P2RY8: variants seen among roughly 807,000 people sequenced by gnomAD.
P2RY8 encodes the protein S-geranylgeranyl-glutathione receptor P2RY8.
In P2RY8, 6 loss-of-function variants were observed where a neutral mutation model predicts 10.0. The ratio of observed to expected loss-of-function variants is 0.60; its 90% CI spans 0.33 to 1.19. The LOEUF (loss-of-function observed/expected upper bound fraction) is 1.19. P2RY8 is among the 50% of genes most tolerant of loss of function. The pLI, the probability that P2RY8 is intolerant of heterozygous loss-of-function variation, is 0.04. For missense variants in P2RY8, 456 were observed against 542.0 expected (o/e 0.84, Z 1.58); for synonymous variants, 276 against 252.5 (o/e 1.09, Z -0.88).
In P2RY8 at chrX:1,488,733, G is replaced by GGTGTGT. The variant is rs771296428; in HGVS notation, c.-24-22157_-24-22152dup. Among the ~76,000 whole-genome samples the GGTGTGT allele has an allele frequency of 9.7e-3, 1,436 of 147,616 alleles. 9 individuals carry two copies. The highest frequency in any genetic ancestry group is 0.029 in the South Asian group (132 of 4,602). The stretch of plus-strand genomic sequence containing the variant: ...CCCAGGATGGTCTTGGTAAATGCAG[G>GGTGTGT]GTGTGTGTGTGTGTGTGTGTGTGTG... On this transcript the variant is annotated intron_variant, in intron 1 of 1. Coordinates refer to ENST00000381297, the MANE Select transcript of P2RY8 (RefSeq NM_178129.5).
In P2RY8 at chrX:1,514,217, G is replaced by T. The variant is rs762994324; in HGVS notation, c.-25+22704C>A. Reference sequence around the variant, plus strand: ...CACCTGCACAGGTAAGTACAATTCTGTTTAATCTTGATGTCTGCTCAGGCT... The same window carrying T: ...CACCTGCACAGGTAAGTACAATTCTTTTTAATCTTGATGTCTGCTCAGGCT... On this transcript the variant is annotated intron_variant, in intron 1 of 1. Coordinates refer to ENST00000381297, the MANE Select transcript of P2RY8 (RefSeq NM_178129.5). Among the ~76,000 whole-genome samples the T allele has an allele frequency of 1.6e-3, 246 of 152,276 alleles. 1 individual carries two copies. Among genetic ancestry groups the T allele is most frequent in the African/African-American group, 5.7e-3 (238 of 41,544 alleles).
At chrX:1,504,422 C>A (rs1459224038) in intron 1 of P2RY8, among the ~76,000 whole-genome samples, 2 of 152,146 alleles carry the variant, frequency 1.3e-5, no homozygotes, top group African/African-American at 4.8e-5. Flanking sequence ...ATTTGAAAGC[C>A]TTTTAGTGGT....
At chrX:1,520,426 ATCTCTCTGGTCCCCAATAT>A (rs1331552641) in intron 1 of P2RY8, among the ~76,000 whole-genome samples, 5 of 145,982 alleles carry the variant, frequency 3.4e-5, no homozygotes, top group South Asian at 2.2e-4. Flanking sequence ...GTCTCTAATA[ATCTCTCTGGTCCCCAATAT>A]TCTCTCTGGT....
intron 1 of P2RY8, among the ~76,000 whole-genome samples, chrX:1,467,414 A>C (rs2091702002): frequency 6.6e-6 from 1 of 152,124 alleles, no homozygotes; most frequent in African/African-American, 2.4e-5. Flanking sequence ...GTCCGTGCCC[A>C]GGTGTGAAAC....
At chrX:1,486,741 T>G (rs189213109) in intron 1 of P2RY8, among the ~76,000 whole-genome samples, 163 of 152,330 alleles carry the variant, frequency 1.1e-3, no homozygotes, top group African/African-American at 3.8e-3. Context: ...AAGAAACAAT[T>G]GTCTCTTGAA....
chrX:1,473,550 T>C (rs1477188258), intron 1 of P2RY8, among the ~76,000 whole-genome samples: 2 of 143,954 alleles, frequency 1.4e-5, no homozygotes, highest in Non-Finnish European at 3.0e-5. Flanking sequence ...GGTGGGTGGA[T>C]GAATGGTAGG....
chrX:1,509,983 A>G (rs1473645055), intron 1 of P2RY8, among the ~76,000 whole-genome samples: 8 of 55,516 alleles, frequency 1.4e-4, no homozygotes, highest in African/African-American at 4.5e-4. Context: ...CCATCCATCC[A>G]TCATCTATGT....
intron 1 of P2RY8, among the ~76,000 whole-genome samples, chrX:1,517,925 A>G (rs62592778): frequency 0.88 from 130,688 of 148,416 alleles, 57,599 homozygotes; most frequent in East Asian, 0.99. Flanking sequence ...CCTGGCCAAC[A>G]TGGTGAAACC....
intron 1 of P2RY8, among the ~76,000 whole-genome samples, chrX:1,501,923 T>C (rs538335369): frequency 1.5e-3 from 222 of 150,610 alleles, no homozygotes; most frequent in African/African-American, 4.7e-3. Flanking sequence ...ATTATTATTA[T>C]TTTTTGAGAC....
At chrX:1,521,478 T>A (rs6644727) in intron 1 of P2RY8, among the ~76,000 whole-genome samples, 6 of 151,900 alleles carry the variant, frequency 3.9e-5, no homozygotes, top group Admixed American at 3.3e-4. Flanking sequence ...CGTCCCAGTA[T>A]GGACAAACCC....
At chrX:1,476,243 C>T (rs1190519008) in intron 1 of P2RY8, among the ~76,000 whole-genome samples, 1 of 152,080 alleles carries the variant, frequency 6.6e-6, no homozygotes, top group Non-Finnish European at 1.5e-5. Flanking sequence ...TTAGTGCACC[C>T]AGACCTGTTT....
At chrX:1,468,669 G>A (rs1160425005) in intron 1 of P2RY8, among the ~76,000 whole-genome samples, 1 of 151,410 alleles carries the variant, frequency 6.6e-6, no homozygotes, top group African/African-American at 2.4e-5. Flanking sequence ...GCACTGAATT[G>A]TCTGAAGCAA....
intron 1 of P2RY8, among the ~76,000 whole-genome samples, chrX:1,533,135 G>A (rs2092492934): frequency 1.3e-5 from 2 of 150,768 alleles, no homozygotes; most frequent in Admixed American, 1.3e-4. Flanking sequence ...CGGGTTCAGT[G>A]TATACTGCTT....
chrX:1,490,831 G>T (rs2092039255), intron 1 of P2RY8, among the ~76,000 whole-genome samples: 1 of 149,830 alleles, frequency 6.7e-6, no homozygotes, highest in African/African-American at 2.5e-5. Context: ...AATGTGGGGG[G>T]AATGAATGAA....
Position 1,535,752 on chromosome X carries a change from A to C in P2RY8, c.-25+1169T>G, listed in dbSNP as rs867460396. On this transcript the variant is annotated intron_variant, in intron 1 of 1. Transcript: ENST00000381297. ...AGACACACACACACACACACACACA[A>C]ACCCTTTTCTTTTTGGGAACAGAGC... Among the ~76,000 whole-genome samples the C allele has an allele frequency of 2.2e-3, 308 of 138,354 alleles. 2 individuals carry two copies. The highest frequency in any genetic ancestry group is 7.3e-3 in the African/African-American group (270 of 37,136). 90.8% of individuals were successfully genotyped at this position (138,354 alleles called of 152,430 possible). A position where few individuals can be genotyped will look rare whatever the true frequency, so the allele number is the denominator to read the frequency against.
At chrX:1,499,219 A>G (rs1249810228) in intron 1 of P2RY8, among the ~76,000 whole-genome samples, 8 of 136,888 alleles carry the variant, frequency 5.8e-5, no homozygotes, top group East Asian at 4.3e-4. Context: ...CTGGAGTGCA[A>G]TGGCACGATC....
At chrX:1,509,965 G>GCATC (rs1176524336) in intron 1 of P2RY8, among the ~76,000 whole-genome samples, 4 of 63,774 alleles carry the variant, frequency 6.3e-5, no homozygotes, top group Admixed American at 2.4e-4. Flanking sequence ...TATTATCTAT[G>GCATC]CATCCATCCA....
At chrX:1,532,353 GTA>G (rs1302537640) in intron 1 of P2RY8, among the ~76,000 whole-genome samples, 1 of 149,268 alleles carries the variant, frequency 6.7e-6, no homozygotes, top group African/African-American at 2.5e-5. Flanking sequence ...TATATGATGT[GTA>G]TATATACACA....
At chrX:1,477,298 T>TCAATCATCTATCAATAAGA (rs1556675970) in intron 1 of P2RY8, among the ~76,000 whole-genome samples, 1 of 151,844 alleles carries the variant, frequency 6.6e-6, no homozygotes, top group African/African-American at 2.4e-5. Flanking sequence ...TCTATCTATA[T>TCAATCATCTATCAATAAGA]CAATCGTCTT....
Sources: allele counts gnomAD v4.1 joint callset (sites outside exome capture counted in the v4.1 genomes callset), GRCh38; gene constraint gnomAD v4.1.1; transcripts MANE v1.5; gene names NCBI Gene and HGNC (gene_info 2026-07-23, HGNC 2026-07-21).